Variants in GPR19 observed in about 807,000 individuals in gnomAD.
The protein encoded by GPR19 is probable G protein-coupled receptor 19.
Under a neutral mutation model 28.5 loss-of-function variants are expected in GPR19, and 14 were observed. The ratio of observed to expected loss-of-function variants is 0.49; its 90% CI spans 0.32 to 0.77. The LOEUF (loss-of-function observed/expected upper bound fraction) is 0.77. Among genes scored for constraint, GPR19 ranks in the 30% least tolerant of loss-of-function variants. The pLI is 0.03. For synonymous variants in GPR19, 173 were observed against 184.1 expected (o/e 0.94, Z 0.49); for missense variants, 409 against 504.1 (o/e 0.81, Z 1.81).
the GPR19 span, among the ~76,000 whole-genome samples, chr12:12,709,146 A>C: frequency 6.6e-6 from 1 of 152,188 alleles, no homozygotes; most frequent in African/African-American, 2.4e-5. Flanking sequence ...AAGGGGGGGA[A>C]ATTACTTTAT....
chr12:12,703,408 A>G, the GPR19 span: 2 of 985,414 alleles, frequency 2.0e-6, no homozygotes, highest in Non-Finnish European at 2.4e-6. Flanking sequence ...AATCTTAGCC[A>G]TAGGACATGA....
the GPR19 span, among the ~76,000 whole-genome samples, chr12:12,714,822 TC>T: frequency 6.6e-6 from 1 of 152,152 alleles, no homozygotes; most frequent in Non-Finnish European, 1.5e-5. Flanking sequence ...ACGCCTGCGT[TC>T]TCATTATTTG....
At chr12:12,693,937 G>A (rs1437270025) in intron 2 of GPR19, among the ~76,000 whole-genome samples, 1 of 152,004 alleles carries the variant, frequency 6.6e-6, no homozygotes, top group Non-Finnish European at 1.5e-5. Flanking sequence ...TCCTGACCTC[G>A]TGATCCCCCC....
At chr12:12,711,673 G>A in the GPR19 span, among the ~76,000 whole-genome samples, 2 of 152,104 alleles carry the variant, frequency 1.3e-5, no homozygotes, top group East Asian at 1.9e-4. Flanking sequence ...TCCATCAGTC[G>A]CTTGAGAGAC....
At chr12:12,702,209 A>AATTTAATTG in the GPR19 span, among the ~76,000 whole-genome samples, 1 of 151,814 alleles carries the variant, frequency 6.6e-6, no homozygotes. Flanking sequence ...ATATTTGTTG[A>AATTTAATTG]ATTTAATTGT....
intron 3 of GPR19, among the ~76,000 whole-genome samples, chr12:12,679,526 G>GA (rs1429130999): frequency 2.2e-5 from 3 of 138,416 alleles, no homozygotes; most frequent in Non-Finnish European, 3.1e-5. Context: ...GACCTAAAGG[G>GA]AAAAAACTAA....
At chr12:12,686,765 GT>G (rs1453049613) in intron 2 of GPR19, among the ~76,000 whole-genome samples, 1 of 152,216 alleles carries the variant, frequency 6.6e-6, no homozygotes, top group African/African-American at 2.4e-5. Flanking sequence ...TCAATTTAAT[GT>G]GTTGTGACTT....
intron 3 of GPR19, among the ~76,000 whole-genome samples, chr12:12,673,128 A>G (rs767261488): frequency 1.3e-4 from 20 of 152,240 alleles, no homozygotes; most frequent in Non-Finnish European, 2.5e-4. Context: ...CTGCCTCTTA[A>G]GAGGCTAAAA....
At chr12:12,662,510 GGT>G in intron 3 of GPR19, 40 bp from the exon 4 acceptor site, 2 of 1,456,506 alleles carry the variant, frequency 1.4e-6, no homozygotes, top group Non-Finnish European at 1.9e-6. Context: ...CTGTTAAAAA[GGT>G]GTCATACAGA....
chr12:12,679,354 G>T (rs914378308), intron 3 of GPR19, among the ~76,000 whole-genome samples: 1 of 151,180 alleles, frequency 6.6e-6, no homozygotes, highest in South Asian at 2.1e-4. Context: ...ACTTTCGGAG[G>T]CTGGGGTGGG....
chr12:12,688,042 C>T (rs779447722), intron 2 of GPR19, among the ~76,000 whole-genome samples: 3 of 152,102 alleles, frequency 2.0e-5, no homozygotes, highest in Non-Finnish European at 4.4e-5. Flanking sequence ...TTTGCAACCC[C>T]CAGTGAAATA....
intron 3 of GPR19, among the ~76,000 whole-genome samples, chr12:12,673,075 G>A (rs530301046): frequency 6.6e-6 from 1 of 152,182 alleles, no homozygotes; most frequent in Non-Finnish European, 1.5e-5. Context: ...GCAGATGGCT[G>A]GTTAGCTGGT....
intron 3 of GPR19, among the ~76,000 whole-genome samples, chr12:12,675,014 C>T (rs1945909649): frequency 6.6e-6 from 1 of 152,118 alleles, no homozygotes; most frequent in Admixed American, 6.5e-5. Context: ...AAGAATGGCT[C>T]ATCTAAGGTA....
the GPR19 span, among the ~76,000 whole-genome samples, chr12:12,708,768 G>A: frequency 1.3e-5 from 2 of 152,226 alleles, no homozygotes; most frequent in African/African-American, 4.8e-5. Context: ...ATTTAAAGTG[G>A]CTGGGCACGG....
At chr12:12,675,942 T>C (rs1945923849) in intron 3 of GPR19, among the ~76,000 whole-genome samples, 1 of 152,224 alleles carries the variant, frequency 6.6e-6, no homozygotes, top group Non-Finnish European at 1.5e-5. Flanking sequence ...AACTGTGAGA[T>C]AATAAACAGT....
At chr12:12,707,743 G>A in the GPR19 span, among the ~76,000 whole-genome samples, 1 of 152,100 alleles carries the variant, frequency 6.6e-6, no homozygotes, top group African/African-American at 2.4e-5. Flanking sequence ...TTTAGGGACA[G>A]GGTCTCGCTC....
chr12:12,706,720 AC>A, the GPR19 span, among the ~76,000 whole-genome samples: 2 of 152,136 alleles, frequency 1.3e-5, no homozygotes, highest in Non-Finnish European at 2.9e-5. Flanking sequence ...ACACACACAG[AC>A]CATTTCCAAA....
intron 3 of GPR19, among the ~76,000 whole-genome samples, chr12:12,670,073 A>G (rs1945835485): frequency 6.6e-6 from 1 of 152,236 alleles, no homozygotes. Flanking sequence ...ATAAAACTAC[A>G]TAAGGCTAGG....
rs146829075 is a variant in GPR19 at position 12,662,293 on chromosome 12, G to A, written c.156C>T (p.Asn52=). The A allele has an allele frequency of 1.1e-4, 175 of 1,614,112 alleles. No individual in the cohort carries two copies. Among genetic ancestry groups the A allele is most frequent in the Non-Finnish European group, 1.4e-4 (166 of 1,180,050 alleles). Residue 52 remains asparagine, a synonymous_variant, in exon 4 of 4, where the codon AAC becomes AAT. Transcript: ENST00000651487. ...TCAGCACATAGTGAAGGTCTGTTTG[G>A]TTGCTCATCCAACTGTGCTCCTCAC... ...ELSEEHSWMS[N]QTDLHYVLKP...
Sources: allele counts gnomAD v4.1 joint callset (sites outside exome capture counted in the v4.1 genomes callset), GRCh38; gene constraint gnomAD v4.1.1; transcripts MANE v1.5; gene names NCBI Gene and HGNC (gene_info 2026-07-23, HGNC 2026-07-21).